The following GLDN variants were observed in gnomAD, a reference collection of about 807,000 sequenced individuals.
GLDN encodes collomin.
A neutral mutation model predicts 56.5 loss-of-function variants in GLDN; 47 were observed. That is an observed-to-expected ratio of 0.83 (90% CI 0.66 to 1.06). GLDN has a LOEUF of 1.06. GLDN is among the 50% of genes least tolerant of loss of function. The probability of loss-of-function intolerance (pLI) is 0.00; values close to 1 mark genes in which losing one functional copy is unlikely to be tolerated. For synonymous variants in GLDN, 332 were observed against 278.8 expected, an observed-to-expected ratio of 1.19 and a Z score of -1.90; for missense variants, 782 against 714.3, an observed-to-expected ratio of 1.09 and a Z score of -1.08.
At chr15:51,409,562 T>G (rs534503893), downstream of GLDN, among the ~76,000 whole-genome samples, 1 of 152,354 alleles carries the variant, frequency 6.6e-6, no homozygotes, top group South Asian at 2.1e-4. Context: ...AGAAGTGGTT[T>G]AAACTACTTC....
intron 4 of GLDN, among the ~76,000 whole-genome samples, chr15:51,390,830 G>A (rs1334321625): frequency 6.6e-6 from 1 of 152,112 alleles, no homozygotes; most frequent in Non-Finnish European, 1.5e-5. Flanking sequence ...GCAGAGTCCG[G>A]CCTTTCTTCT....
chr15:51,409,979 G>A (rs1159052852), downstream of GLDN, among the ~76,000 whole-genome samples: 1 of 152,152 alleles, frequency 6.6e-6, no homozygotes, highest in Non-Finnish European at 1.5e-5. Flanking sequence ...TCCATCACTC[G>A]GTAATGCCCA....
intron 1 of GLDN, among the ~76,000 whole-genome samples, chr15:51,362,783 C>T (rs2037326694): frequency 6.6e-6 from 1 of 152,010 alleles, no homozygotes; most frequent in Admixed American, 6.6e-5. Flanking sequence ...ATAGCCATTG[C>T]AATAATCCAG....
At chr15:51,358,013 T>C (rs1357339680) in intron 1 of GLDN, among the ~76,000 whole-genome samples, 1 of 152,188 alleles carries the variant, frequency 6.6e-6, no homozygotes, top group Non-Finnish European at 1.5e-5. Context: ...CAGTGGCTGA[T>C]AGAAGGCCTA....
chr15:51,341,881 G>C lies in GLDN; in HGVS notation c.197G>C (p.Arg66Pro). 1.9e-6 allele frequency: 3 copies of C among 1,573,860 alleles called. No individual in the cohort carries two copies. The highest frequency in any genetic ancestry group is 1.1e-5 in the South Asian group (1 of 88,908). Reference protein sequence around the residue: ...GREQREDSALRSFLAELSRAP... With the variant: ...GREQREDSALPSFLAELSRAP... ...GAGCAGCGCGAGGACAGTGCCCTGCGCTCCTTCCTGGCCGAGTTGAGCCGC... is the reference window on the plus strand; with the variant it reads ...GAGCAGCGCGAGGACAGTGCCCTGCCCTCCTTCCTGGCCGAGTTGAGCCGC... The change falls in exon 1 of 10, where the codon CGC becomes CCC. Residue 66 changes from arginine (R) to proline (P), a missense_variant. Arg to Pro is a moderately radical substitution (Grantham distance 103, BLOSUM62 -2). Transcript: ENST00000335449.
At chr15:51,397,931 T>C (rs769780001) in intron 6 of GLDN, among the ~76,000 whole-genome samples, 1 of 152,192 alleles carries the variant, frequency 6.6e-6, no homozygotes, top group Non-Finnish European at 1.5e-5. Context: ...TTTTGCACTC[T>C]TGAGAAGTGA....
At chr15:51,362,761 G>A (rs1465446800) in intron 1 of GLDN, among the ~76,000 whole-genome samples, 1 of 152,096 alleles carries the variant, frequency 6.6e-6, no homozygotes. Context: ...TGGAAGTAGG[G>A]GGGCTATTTA....
At position 51,401,628 on chromosome 15, in the gene GLDN, C is replaced by T; in HGVS notation, c.1063C>T (p.Leu355Phe). 1.2e-6 allele frequency: 2 copies of T among 1,614,180 alleles called. No individual in the cohort carries two copies. The highest frequency in any genetic ancestry group is 1.7e-6 in the Non-Finnish European group (2 of 1,179,992). Residue 355 changes from leucine (L) to phenylalanine (F), a missense_variant, in exon 9 of 10, where the codon CTT becomes TTT. Coordinates refer to ENST00000335449, the MANE Select transcript of GLDN (RefSeq NM_181789.4). ...MVKEFKDQPSLLNGSYTFIHL... is the reference protein window; with the variant it reads ...MVKEFKDQPSFLNGSYTFIHL... ...TAAGGAATTCAAGGATCAGCCCTCA[C>T]TTCTGAATGGCAGTTACACGTTCAT... is the stretch of plus-strand genomic sequence containing the variant.
chr15:51,361,310 A>G (rs745403896), intron 1 of GLDN, among the ~76,000 whole-genome samples: 4 of 152,162 alleles, frequency 2.6e-5, no homozygotes, highest in Non-Finnish European at 4.4e-5. Flanking sequence ...CTCTTTAAAT[A>G]TGTCTCATGG....
In GLDN at chr15:51,394,849, GCAGGAAATC is replaced by G. The variant is rs1174946176; in HGVS notation, c.561_569del (p.Asn188_Gly190del). The stretch of plus-strand genomic sequence containing the variant: ...TTTTTGGTCAGGGATACCTGGAGCT[GCAGGAAATC>G]CAGGGGAAAGGGGAGAAAAGGGAGA... On this transcript the variant is annotated inframe_deletion, in exon 5 of 10. Coordinates refer to ENST00000335449, the MANE Select transcript of GLDN (RefSeq NM_181789.4). 6.2e-7 allele frequency: 1 copy of G among 1,613,804 alleles called. No individual in the cohort carries two copies. The highest frequency in any genetic ancestry group is 2.2e-5 in the East Asian group (1 of 44,882).
chr15:51,393,398 T>C (rs1350805431), intron 4 of GLDN, among the ~76,000 whole-genome samples: 1 of 151,618 alleles, frequency 6.6e-6, no homozygotes, highest in Non-Finnish European at 1.5e-5. Context: ...TTTCAAGGAC[T>C]CTACCCAGTA....
At chr15:51,366,817 T>C (rs76431602) in intron 1 of GLDN, among the ~76,000 whole-genome samples, 1 of 151,918 alleles carries the variant, frequency 6.6e-6, no homozygotes, top group African/African-American at 2.4e-5. Context: ...AGAATTGCTT[T>C]AGCCTGGGAG....
At chr15:51,386,595 C>A (rs1390514470) in intron 4 of GLDN, among the ~76,000 whole-genome samples, 1 of 152,224 alleles carries the variant, frequency 6.6e-6, no homozygotes, top group African/African-American at 2.4e-5. Flanking sequence ...AGATCTGCTT[C>A]TCTAAATGCT....
chr15:51,347,943 G>T (rs1043748750), intron 1 of GLDN, among the ~76,000 whole-genome samples: 5 of 152,128 alleles, frequency 3.3e-5, no homozygotes, highest in Non-Finnish European at 4.4e-5. Context: ...GCAGAGAAAA[G>T]TATATATTGT....
At chr15:51,384,568 G>C (rs924827770) in intron 4 of GLDN, 2 of 154,414 alleles carry the variant, frequency 1.3e-5, no homozygotes, top group Admixed American at 1.3e-4. Flanking sequence ...TAAGAATCAG[G>C]GGCTGGTGCA....
At chr15:51,373,456 C>A (rs1398758986) in intron 1 of GLDN, among the ~76,000 whole-genome samples, 2 of 152,214 alleles carry the variant, frequency 1.3e-5, no homozygotes, top group Admixed American at 6.5e-5. Flanking sequence ...AGTTCGTGTA[C>A]AAGTGGACCC....
chr15:51,398,652 C>T (rs543945603), intron 6 of GLDN, among the ~76,000 whole-genome samples: 105 of 152,290 alleles, frequency 6.9e-4, no homozygotes, highest in South Asian at 8.3e-4. Context: ...TCTGTGCTTT[C>T]GAAGATGGCA....
At chr15:51,355,673 A>G (rs1196323925) in intron 1 of GLDN, among the ~76,000 whole-genome samples, 24 of 150,128 alleles carry the variant, frequency 1.6e-4, no homozygotes, top group African/African-American at 4.6e-4. Flanking sequence ...ACAGGCACGC[A>G]CCAACACACC....
intron 1 of GLDN, among the ~76,000 whole-genome samples, chr15:51,349,720 C>G (rs988912664): frequency 6.6e-6 from 1 of 151,678 alleles, no homozygotes; most frequent in Non-Finnish European, 1.5e-5. Context: ...CATCGTAATT[C>G]CCTGGAACGG....
Sources: gnomAD v4.1 joint callset for allele counts (sites outside exome capture counted in the v4.1 genomes callset) on GRCh38, gnomAD v4.1.1 for gene constraint, MANE v1.5 for transcripts, NCBI Gene and HGNC (gene_info 2026-07-23, HGNC 2026-07-21) for gene names.